The following NCOA6 variants were observed in gnomAD, a reference collection of about 807,000 sequenced individuals.
NCOA6 encodes nuclear receptor coactivator 6, also known as NRC RAP250.
A neutral mutation model predicts 171.4 loss-of-function variants in NCOA6; 49 were observed. The ratio of observed to expected loss-of-function variants is 0.29; its 90% CI spans 0.23 to 0.36. The LOEUF is 0.36. NCOA6 is among the 10% of genes least tolerant of loss of function. The probability of loss-of-function intolerance (pLI) is 1.00; values close to 1 mark genes in which losing one functional copy is unlikely to be tolerated. For synonymous variants in NCOA6, 910 were observed against 927.5 expected, an observed-to-expected ratio of 0.98 and a Z score of 0.34; for missense variants, 2,248 against 2,554.5, an observed-to-expected ratio of 0.88 and a Z score of 2.59.
intron 3 of NCOA6, among the ~76,000 whole-genome samples, chr20:34,777,618 A>T (rs989878005): frequency 6.6e-6 from 1 of 152,010 alleles, no homozygotes; most frequent in Non-Finnish European, 1.5e-5. Context: ...CCGTCTCAAA[A>T]AAAAAAAAGA....
intron 1 of NCOA6, among the ~76,000 whole-genome samples, chr20:34,823,476 T>C (rs1015140532): frequency 1.3e-5 from 2 of 152,252 alleles, no homozygotes; most frequent in African/African-American, 4.8e-5. Context: ...TTTTGTTCGC[T>C]AATTCTCTTT....
rs146951495 is a variant in NCOA6 at position 34,781,926 on chromosome 20, T to C, written c.235+195A>G. Among the ~76,000 whole-genome samples the C allele has an allele frequency of 2.0e-5, 3 of 152,336 alleles. No homozygotes were observed. The East Asian group carries it at 5.8e-4, about 29-fold the overall frequency. On this transcript the variant is annotated intron_variant, in intron 3 of 14. Coordinates refer to ENST00000359003, the MANE Select transcript of NCOA6 (RefSeq NM_014071.5). Reference sequence around the variant, plus strand: ...ACAATTACCATAATAAGCAACACTTTATGTTCAGTTCTTCTATGTACTTAA... The same window carrying C: ...ACAATTACCATAATAAGCAACACTTCATGTTCAGTTCTTCTATGTACTTAA...
chr20:34,756,088 A>G (rs2076632415), intron 7 of NCOA6, among the ~76,000 whole-genome samples: 1 of 152,170 alleles, frequency 6.6e-6, no homozygotes, highest in Admixed American at 6.5e-5. Context: ...CTCTTAGTAG[A>G]CAAATATGCA....
At chr20:34,761,506 A>G (rs1471166991) in intron 5 of NCOA6, among the ~76,000 whole-genome samples, 7 of 151,840 alleles carry the variant, frequency 4.6e-5, no homozygotes, top group Admixed American at 4.6e-4. Flanking sequence ...TTAACCTAAC[A>G]GCACTATGGT....
chr20:34,730,756 A>G (rs6060020), intron 13 of NCOA6, among the ~76,000 whole-genome samples: 1 of 132,894 alleles, frequency 7.5e-6, no homozygotes, highest in Non-Finnish European at 1.6e-5. Flanking sequence ...TCTGTTGCTC[A>G]TGTTGGAGTG....
rs201823165 is a variant in NCOA6, at chr20:34,741,629, G to A, written c.4627C>T (p.Pro1543Ser). ...TGAGGTAAGTTTAGGGAATTAGAAG[G>A]TTCTTTAGAAGAAGACAGATCCTGC... ...TLQDLSSSKE[P>S]SNSLNLPHSN... Residue 1543 changes from proline (P) to serine (S), a missense_variant, in exon 11 of 15, where the codon CCT (proline) becomes TCT (serine). Pro to Ser is a moderately conservative substitution (Grantham distance 74). Around this residue, in one of 7 missense-constraint regions of NCOA6, gnomAD observed 884 missense variants for 941.9 expected, o/e 0.94. Transcript: ENST00000359003. 1.9e-6 allele frequency: 3 copies of A among 1,614,202 alleles called. No individual in the cohort carries two copies. The highest frequency in any genetic ancestry group is 2.5e-6 in the Non-Finnish European group (3 of 1,180,038).
At chr20:34,746,239 T>C (rs1258417955) in intron 10 of NCOA6, among the ~76,000 whole-genome samples, 8 of 151,820 alleles carry the variant, frequency 5.3e-5, no homozygotes, top group Admixed American at 5.2e-4. Flanking sequence ...AAAGAGGCAC[T>C]TCACATTTCA....
chr20:34,781,491 T>C (rs2077516294), intron 3 of NCOA6, among the ~76,000 whole-genome samples: 1 of 152,206 alleles, frequency 6.6e-6, no homozygotes, highest in South Asian at 2.1e-4. Context: ...CTTCGTACCA[T>C]CTGGGAGAGA....
chr20:34,724,939 C>T (rs896340381), intron 14 of NCOA6, among the ~76,000 whole-genome samples: 4 of 152,016 alleles, frequency 2.6e-5, no homozygotes, highest in African/African-American at 9.7e-5. Flanking sequence ...CAGGCGCCCA[C>T]CACCACACCC....
At chr20:34,818,139 A>T (rs1488455839) in intron 1 of NCOA6, among the ~76,000 whole-genome samples, 1 of 152,252 alleles carries the variant, frequency 6.6e-6, no homozygotes, top group African/African-American at 2.4e-5. Flanking sequence ...AGGATTAAAT[A>T]AAATGCTACT....
At position 34,773,401 on chromosome 20, in the gene NCOA6, C is replaced by T. The variant is rs529681133; in HGVS notation, c.391+2892G>A. On this transcript the variant is annotated intron_variant, in intron 4 of 14. Coordinates refer to ENST00000359003, the MANE Select transcript of NCOA6 (RefSeq NM_014071.5). ...AGAACGGACTGTTGGGAGAACCTGTCCCTCAAGCCTTGCAGCAGACACGAT... is the reference window on the plus strand; with the variant it reads ...AGAACGGACTGTTGGGAGAACCTGTTCCTCAAGCCTTGCAGCAGACACGAT... 8.5e-5 allele frequency among the ~76,000 whole-genome samples: 13 copies of T among 152,356 alleles called. No homozygotes were observed. The South Asian group carries it at 2.7e-3, about 32-fold the overall frequency.
intron 13 of NCOA6, among the ~76,000 whole-genome samples, chr20:34,729,220 G>A (rs1429320957): frequency 6.6e-6 from 1 of 152,152 alleles, no homozygotes; most frequent in African/African-American, 2.4e-5. Context: ...CAAAGTGCTG[G>A]GATTACAGGT....
intron 3 of NCOA6, among the ~76,000 whole-genome samples, chr20:34,777,654 TG>T (rs1470348180): frequency 6.7e-6 from 1 of 149,576 alleles, no homozygotes; most frequent in African/African-American, 2.5e-5. Flanking sequence ...GCACTGTCAG[TG>T]GGAATGTAAA....
chr20:34,730,406 T>G (rs746475513), intron 13 of NCOA6, among the ~76,000 whole-genome samples: 1 of 152,106 alleles, frequency 6.6e-6, no homozygotes, highest in Non-Finnish European at 1.5e-5. Context: ...CTAATGAAAG[T>G]GCCTCTTTCT....
In NCOA6 at chr20:34,758,760, C is replaced by A. The variant is rs754948341; in HGVS notation, c.643+45G>T. On this transcript the variant is annotated intron_variant, in intron 6 of 14. Transcript: ENST00000359003. ...TAACTGAATTTTATAATGATCTGTG[C>A]AGAAAGTTTCAGACTCTTCATCCTC... is the stretch of plus-strand genomic sequence containing the variant. The A allele has an allele frequency of 3.1e-6, 5 of 1,599,294 alleles. No homozygotes were observed. In the South Asian group the frequency reaches 5.7e-5, roughly 18 times the overall value.
chr20:34,754,620 G>A (rs1168168746), intron 8 of NCOA6, 102 bp downstream of exon 8: 6 of 1,344,278 alleles, frequency 4.5e-6, no homozygotes, highest in Admixed American at 2.1e-5. Context: ...AAATTAAGGG[G>A]AGAGACCAAG....
At chr20:34,736,795 T>A (rs530034268) in intron 11 of NCOA6, 37 bp from the exon 12 acceptor site, 2 of 1,555,106 alleles carry the variant, frequency 1.3e-6, no homozygotes, top group South Asian at 2.4e-5. Context: ...ACCTTTTACT[T>A]TCTTTTCTAA....
At chr20:34,724,059 T>C (rs1226261068) in intron 14 of NCOA6, among the ~76,000 whole-genome samples, 11 of 152,216 alleles carry the variant, frequency 7.2e-5, no homozygotes, top group Admixed American at 7.2e-4. Context: ...TGTTCCCTTT[T>C]ATGCTTTAAG....
intron 14 of NCOA6, among the ~76,000 whole-genome samples, chr20:34,725,936 T>C (rs6120705): frequency 0.35 from 52,853 of 151,940 alleles, 9,563 homozygotes; most frequent in Middle Eastern, 0.43. Flanking sequence ...TGTGAAAGGC[T>C]GTTACTAAAG....
Sources: gnomAD v4.1 joint callset for allele counts (sites outside exome capture counted in the v4.1 genomes callset) on GRCh38, gnomAD v4.1.1 for gene constraint, gnomAD v4.1.1 regional missense constraint, MANE v1.5 for transcripts, NCBI Gene and HGNC (gene_info 2026-07-23, HGNC 2026-07-21) for gene names.